Variants in YES1 observed in about 807,000 individuals in gnomAD.
The protein encoded by YES1 is YES proto-oncogene 1, Src family tyrosine kinase.
In YES1, 39 loss-of-function variants were observed where a neutral mutation model predicts 70.4. The ratio of observed to expected loss-of-function variants is 0.55; its 90% CI spans 0.43 to 0.72. The LOEUF is 0.72. Among genes scored for constraint, YES1 ranks in the 30% least tolerant of loss-of-function variants. The pLI, the probability that YES1 is intolerant of heterozygous loss-of-function variation, is 0.00. For missense variants in YES1, 495 were observed against 644.8 expected, an observed-to-expected ratio of 0.77 and a Z score of 2.52; for synonymous variants, 198 against 218.6, an observed-to-expected ratio of 0.91 and a Z score of 0.83.
chr18:736,695 T>A, intron 10 of YES1, 113 bp downstream of exon 10: 2 of 1,366,014 alleles, frequency 1.5e-6, no homozygotes, highest in Non-Finnish European at 2.0e-6. Context: ...AATGTCTCTA[T>A]GACTCTTCTG....
intron 1 of YES1, among the ~76,000 whole-genome samples, chr18:772,810 A>G (rs968800193): frequency 8.5e-5 from 13 of 152,074 alleles, no homozygotes; most frequent in African/African-American, 2.9e-4. Context: ...TCTACCTCAT[A>G]ATTTCTACTT....
In YES1 at chr18:721,926, G is replaced by C. The variant is rs1341589462; in HGVS notation, c.*2498C>G. On this transcript the variant is annotated 3_prime_UTR_variant, in exon 12 of 12. Transcript: ENST00000314574. Reference sequence around the variant, plus strand: ...CACATTAAGACACTGAAGACGAAAAGCTGTTGGAAAATATCTCCAAATTTA... The same window carrying C: ...CACATTAAGACACTGAAGACGAAAACCTGTTGGAAAATATCTCCAAATTTA... The C allele has an allele frequency of 6.6e-6, 1 of 152,602 alleles. No individual in the cohort carries two copies. The highest frequency in any genetic ancestry group is 1.5e-5 in the Non-Finnish European group (1 of 68,030). The allele number at this position is 152,602 out of a possible 1,614,324, so 9.5% of individuals were successfully genotyped here. A position where few individuals can be genotyped will look rare whatever the true frequency, so the allele number is the denominator to read the frequency against.
At chr18:761,427 A>C (rs1445161499) in intron 1 of YES1, among the ~76,000 whole-genome samples, 4 of 152,184 alleles carry the variant, frequency 2.6e-5, no homozygotes, top group Non-Finnish European at 5.9e-5. Context: ...GTAATACTGT[A>C]ATTTAAATTC....
intron 9 of YES1, chr18:739,182 T>TCACTGAACTA (rs1421731731): frequency 6.6e-6 from 1 of 152,258 alleles, no homozygotes; most frequent in Non-Finnish European, 1.5e-5. Flanking sequence ...GACTAAGAGT[T>TCACTGAACTA]AGATAGCTGG....
intron 1 of YES1, among the ~76,000 whole-genome samples, chr18:803,906 C>T (rs1403507663): frequency 2.0e-5 from 3 of 152,168 alleles, no homozygotes; most frequent in Admixed American, 6.5e-5. Context: ...TATAAGACTC[C>T]AACGGGCTGC....
chr18:743,380 C>T lies in YES1; in HGVS notation c.760G>A (p.Val254Met). ...GTCTGAGGTTTCACAGTTGGACACA[C>T]AGTTGTCAACTTGTGGCATAAACCA... is the stretch of plus-strand genomic sequence containing the variant. ...ADGLCHKLTT[V>M]CPTVKPQTQG... is the part of the protein sequence containing the mutation. The change falls in exon 7 of 12, where the codon GTG (valine) becomes ATG (methionine). Residue 254 changes from valine to methionine, a missense_variant. Around this residue, in one of 2 missense-constraint regions of YES1, gnomAD observed 385 missense variants for 540.9 expected, o/e 0.71. Coordinates refer to ENST00000314574, the MANE Select transcript of YES1 (RefSeq NM_005433.4). 3.1e-6 allele frequency: 5 copies of T among 1,612,938 alleles called. No individual in the cohort carries two copies. Among genetic ancestry groups the T allele is most frequent in the Non-Finnish European group, 4.2e-6 (5 of 1,179,880 alleles).
At chr18:747,692 A>AGACTAGGCATAAGAGAGG (rs1450951428) in intron 4 of YES1, among the ~76,000 whole-genome samples, 68 of 152,134 alleles carry the variant, frequency 4.5e-4, no homozygotes, top group Non-Finnish European at 7.5e-4. Flanking sequence ...TAAAAGAGAG[A>AGACTAGGCATAAGAGAGG]GACTAGGCAT....
intron 1 of YES1, among the ~76,000 whole-genome samples, chr18:760,604 C>T (rs1458317757): frequency 6.6e-6 from 1 of 152,108 alleles, no homozygotes; most frequent in East Asian, 1.9e-4. Flanking sequence ...TTGGTATCCA[C>T]AGGAGGTTCT....
At chr18:754,090 C>T (rs2080376346) in intron 2 of YES1, among the ~76,000 whole-genome samples, 1 of 152,168 alleles carries the variant, frequency 6.6e-6, no homozygotes, top group African/African-American at 2.4e-5. Context: ...CTCTACCATC[C>T]ATTCCCCACA....
chr18:743,197 T>C (rs2080235354), intron 7 of YES1, 63 bp downstream of exon 7: 2 of 1,566,614 alleles, frequency 1.3e-6, no homozygotes, highest in Non-Finnish European at 1.7e-6. Context: ...TATTTTATCA[T>C]AAATTGTTGC....
At chr18:763,948 C>T (rs768357440) in intron 1 of YES1, among the ~76,000 whole-genome samples, 9 of 151,604 alleles carry the variant, frequency 5.9e-5, no homozygotes, top group Non-Finnish European at 7.4e-5. Flanking sequence ...GGCGAAAACC[C>T]GTTTCTACAA....
chr18:725,146 CAT>C (rs549489703), intron 11 of YES1, among the ~76,000 whole-genome samples: 266 of 152,316 alleles, frequency 1.7e-3, no homozygotes, highest in African/African-American at 6.1e-3. Context: ...AGATATTACA[CAT>C]AGTTCCTTTC....
At chr18:732,453 AAAAAC>A (rs2080103291) in intron 11 of YES1, among the ~76,000 whole-genome samples, 7 of 147,170 alleles carry the variant, frequency 4.8e-5, no homozygotes, top group Non-Finnish European at 7.5e-5. Flanking sequence ...AAAAAAAAAA[AAAAAC>A]AAAACACCAA....
At chr18:770,840 T>G (rs1236039074) in intron 1 of YES1, among the ~76,000 whole-genome samples, 4 of 152,100 alleles carry the variant, frequency 2.6e-5, no homozygotes, top group South Asian at 2.1e-4. Flanking sequence ...AACTCCATCA[T>G]GGTCACTTGA....
chr18:734,406 A>C (rs1316181174), intron 10 of YES1, among the ~76,000 whole-genome samples: 1 of 151,712 alleles, frequency 6.6e-6, no homozygotes, highest in Non-Finnish European at 1.5e-5. Context: ...TACAAAAAAA[A>C]AAATTAGCCG....
intron 4 of YES1, among the ~76,000 whole-genome samples, chr18:747,349 G>A (rs1297300741): frequency 1.3e-5 from 2 of 152,096 alleles, no homozygotes; most frequent in African/African-American, 4.8e-5. Flanking sequence ...CATGCCTGTA[G>A]TCCCAGCTAC....
Position 724,630 on chromosome 18 carries a change from T to A in YES1, c.1426A>T (p.Met476Leu). 2 of 1,613,486 alleles carry A rather than the reference T, an allele frequency of 1.2e-6. No homozygotes were observed. Among genetic ancestry groups the A allele is most frequent in the African/African-American group, 1.3e-5 (1 of 75,058 alleles). Residue 476 changes from methionine (M) to leucine (L), a missense_variant and splice_region_variant, in exon 12 of 12, where the codon ATG becomes TTG. This residue lies in a region of YES1 where 385 missense variants were observed against 540.9 expected (regional missense o/e 0.71). Transcript: ENST00000314574. ...TGTTCTAATACTTCACGGTTCACCA[T>A]ACCTAATACACAAGATTAAAACATT... Reference protein sequence around the residue: ...VTKGRVPYPGMVNREVLEQVE... With the variant: ...VTKGRVPYPGLVNREVLEQVE...
chr18:744,428 C>T (rs1411811241), intron 6 of YES1, among the ~76,000 whole-genome samples: 5 of 146,940 alleles, frequency 3.4e-5, no homozygotes, highest in African/African-American at 1.3e-4. Context: ...CTCACTCTGT[C>T]GCCCAGGATG....
intron 1 of YES1, among the ~76,000 whole-genome samples, chr18:757,563 G>A (rs1245898373): frequency 1.3e-5 from 2 of 150,952 alleles, no homozygotes; most frequent in Non-Finnish European, 2.9e-5. Context: ...GCTCACACCT[G>A]TAATTGTAGC....
Sources: gnomAD v4.1 joint callset for allele counts (sites outside exome capture counted in the v4.1 genomes callset) on GRCh38, gnomAD v4.1.1 for gene constraint, gnomAD v4.1.1 regional missense constraint, MANE v1.5 for transcripts, NCBI Gene and HGNC (gene_info 2026-07-23, HGNC 2026-07-21) for gene names.